PLK1: variants seen among roughly 807,000 people sequenced by gnomAD.
PLK1 encodes the protein polo like kinase 1.
In PLK1, 6 loss-of-function variants were observed where a neutral mutation model predicts 56.7. The observed-to-expected ratio is 0.11, with a 90% CI of 0.06 to 0.21. PLK1 has a LOEUF of 0.21. Ranked by LOEUF, PLK1 falls within the 10% of genes least tolerant of loss-of-function variation. The pLI, the probability that PLK1 is intolerant of heterozygous loss-of-function variation, is 1.00. For synonymous variants in PLK1, 298 were observed against 325.0 expected (o/e 0.92, Z 0.89); for missense variants, 546 against 814.4 (o/e 0.67, Z 4.01).
intron 7 of PLK1, 50 bp downstream of exon 7, chr16:23,688,795 T>C: frequency 7.8e-7 from 1 of 1,277,874 alleles, no homozygotes; most frequent in Non-Finnish European, 1.1e-6. Flanking sequence ...CCAGGTGACC[T>C]TTTCAGTTGT....
chr16:23,688,582 C>G (rs2141000856), intron 6 of PLK1, 86 bp from the exon 7 acceptor site: 1 of 1,105,674 alleles, frequency 9.0e-7, no homozygotes, highest in East Asian at 2.3e-5. Flanking sequence ...GCAGGCTTCC[C>G]TGTTCCCTGG....
At chr16:23,686,469 G>A (rs972216304) in intron 5 of PLK1, among the ~76,000 whole-genome samples, 7 of 151,640 alleles carry the variant, frequency 4.6e-5, no homozygotes, top group East Asian at 3.9e-4. Flanking sequence ...TTTTGTTACC[G>A]GTGTTTTAAA....
rs1309116201 is a variant in PLK1 at position 23,689,566 on chromosome 16, C to T, written c.1498C>T (p.Arg500Cys). The T allele has an allele frequency of 3.1e-6, 5 of 1,613,706 alleles. No individual in the cohort carries two copies. Among genetic ancestry groups the T allele is most frequent in the South Asian group, 1.1e-5 (1 of 91,082 alleles). Residue 500 changes from arginine (R) to cysteine (C), a missense_variant, in exon 9 of 10, where the codon CGC (arginine) becomes TGC (cysteine). This residue lies in a region of PLK1 where 113 missense variants were observed against 202.0 expected (regional missense o/e 0.56). Transcript: ENST00000300093. The surrounding 1 kb of genome is among the most constrained non-coding windows in gnomAD (Gnocchi z 4.8). ...LLKAGANITPREGDELARLPY... is the reference protein window; with the variant it reads ...LLKAGANITPCEGDELARLPY... Reference sequence around the variant, plus strand: ...GAAGGCAGGTGCCAACATCACGCCGCGCGAAGGTGATGAGCTCGCCCGGCT... The same window carrying T: ...GAAGGCAGGTGCCAACATCACGCCGTGCGAAGGTGATGAGCTCGCCCGGCT...
At chr16:23,683,098 C>T (rs1408407186) in intron 4 of PLK1, among the ~76,000 whole-genome samples, 1 of 143,796 alleles carries the variant, frequency 7.0e-6, no homozygotes, top group African/African-American at 2.6e-5. Flanking sequence ...TCATGGCATT[C>T]TCCCGCCTCA....
At position 23,690,187 on chromosome 16, in the gene PLK1, T is replaced by C; in HGVS notation, c.*124T>C. On this transcript the variant is annotated 3_prime_UTR_variant, in exon 10 of 10. Transcript: ENST00000300093. ...CCCAGCCCCGGTGGCTGGGCAGAGCTGCATCATCCTTGCAGGTGGGGGTTG... is the reference window on the plus strand; with the variant it reads ...CCCAGCCCCGGTGGCTGGGCAGAGCCGCATCATCCTTGCAGGTGGGGGTTG... 2.7e-6 allele frequency: 2 copies of C among 737,698 alleles called. No homozygotes were observed. Among genetic ancestry groups the C allele is most frequent in the East Asian group, 2.5e-5 (1 of 40,024 alleles). The allele number at this position is 737,698 out of a possible 1,614,324, so 45.7% of individuals were successfully genotyped here.
At chr16:23,685,771 CAAA>C (rs1211424959) in intron 5 of PLK1, among the ~76,000 whole-genome samples, 1 of 151,866 alleles carries the variant, frequency 6.6e-6, no homozygotes, top group African/African-American at 2.4e-5. Flanking sequence ...AGGCTTATCT[CAAA>C]CTCCTGCCCT....
chr16:23,679,411 A>T, intron 1 of PLK1, 71 bp downstream of exon 1: 1 of 1,428,386 alleles, frequency 7.0e-7, no homozygotes, highest in Non-Finnish European at 9.6e-7. Flanking sequence ...GAGCTGCTGG[A>T]AAGAGTACCC....
chr16:23,686,323 A>G (rs1369979199), intron 5 of PLK1, among the ~76,000 whole-genome samples: 2 of 152,100 alleles, frequency 1.3e-5, no homozygotes, highest in Non-Finnish European at 2.9e-5. Context: ...TTTTTTATAT[A>G]GCATTTTAAA....
intron 2 of PLK1, 113 bp downstream of exon 2, chr16:23,680,365 G>T: frequency 1.3e-6 from 1 of 789,448 alleles, no homozygotes; most frequent in Non-Finnish European, 2.0e-6. Flanking sequence ...GCCTACAGAT[G>T]CATTATTTTT....
chr16:23,679,097 G>A lies in PLK1; in HGVS notation c.165G>A (p.Arg55=). ...CACGCAGCCGGCGGCGCTATGTGCG[G>A]GGCCGCTTTTTGGGCAAGGGCGGCT... is the stretch of plus-strand genomic sequence containing the variant. ...VDPRSRRRYV[R]GRFLGKGGFA... Residue 55 remains arginine, a synonymous_variant, in exon 1 of 10, where the codon CGG becomes CGA. Transcript: ENST00000300093. 7 of 1,610,018 alleles carry A rather than the reference G, an allele frequency of 4.3e-6. No homozygotes were observed. The highest frequency in any genetic ancestry group is 5.1e-6 in the Non-Finnish European group (6 of 1,176,936).
chr16:23,680,212 G>A lies in PLK1; in HGVS notation c.537G>A (p.Leu179=), dbSNP rs1959309605. Residue 179 remains leucine, a synonymous_variant, in exon 2 of 10, where the codon CTG becomes CTA. Coordinates refer to ENST00000300093, the MANE Select transcript of PLK1 (RefSeq NM_005030.6). ...GAGTTATTCATCGAGACCTCAAGCT[G>A]GGCAACCTTTTCCTGAATGAAGATC... is the stretch of plus-strand genomic sequence containing the variant. The part of the protein sequence containing the change: ...RNRVIHRDLK[L]GNLFLNEDLE... 1 of 1,614,070 alleles carries A rather than the reference G, an allele frequency of 6.2e-7. No individual in the cohort carries two copies. The highest frequency in any genetic ancestry group is 8.5e-7 in the Non-Finnish European group (1 of 1,179,972).
At chr16:23,681,542 A>G (rs779087888) in intron 3 of PLK1, among the ~76,000 whole-genome samples, 2 of 152,202 alleles carry the variant, frequency 1.3e-5, no homozygotes, top group Non-Finnish European at 2.9e-5. Context: ...GTCTGGATTA[A>G]GACCATCAGC....
Position 23,678,903 on chromosome 16 carries a change from G to T in PLK1, c.-30G>T. The T allele has an allele frequency of 6.8e-7, 1 of 1,469,470 alleles. No homozygotes were observed. Among genetic ancestry groups the T allele is most frequent in the South Asian group, 1.4e-5 (1 of 74,042 alleles). The allele number at this position is 1,469,470 out of a possible 1,614,324, so 91.0% of individuals were successfully genotyped here. On this transcript the variant is annotated 5_prime_UTR_variant, in exon 1 of 10. Transcript: ENST00000300093. ...CGGAGCGGTGCGGAGGCTCTGCTCGGATCGAGGTCTGCAGCGCAGCTTCGG... is the reference window on the plus strand; with the variant it reads ...CGGAGCGGTGCGGAGGCTCTGCTCGTATCGAGGTCTGCAGCGCAGCTTCGG...
At chr16:23,687,928 G>A (rs1597136758) in intron 6 of PLK1, 1 of 197,982 alleles carries the variant, frequency 5.1e-6, no homozygotes, top group Non-Finnish European at 1.0e-5. Context: ...CAGCCTCAGG[G>A]CTTTCTCCCT....
At chr16:23,680,325 G>A in intron 2 of PLK1, 73 bp downstream of exon 2, 1 of 1,321,398 alleles carries the variant, frequency 7.6e-7, no homozygotes, top group Non-Finnish European at 1.1e-6. Context: ...CTGGGAGAAA[G>A]GAAGGAGACA....
In PLK1 at chr16:23,683,014, G is replaced by A. The variant is rs1333859177; in HGVS notation, c.817-856G>A. 5.5e-5 allele frequency among the ~76,000 whole-genome samples: 6 copies of A among 109,168 alleles called. No homozygotes were observed. In the Admixed American group the frequency reaches 5.7e-4, roughly 10 times the overall value. The allele number at this position is 109,168 out of a possible 152,430, so 71.6% of individuals were successfully genotyped here. ...TTTTTTTTTTTTTTTTTTTTGAGAT[G>A]GAGTCTCGCTCTGTCGCCCAGGCTG... On this transcript the variant is annotated intron_variant, in intron 4 of 9. Transcript: ENST00000300093.
At chr16:23,688,436 C>A (rs993605006) in intron 6 of PLK1, among the ~76,000 whole-genome samples, 1 of 152,210 alleles carries the variant, frequency 6.6e-6, no homozygotes, top group African/African-American at 2.4e-5. Flanking sequence ...GTGAGTGGAA[C>A]TTGGTGCGCT....
In PLK1 at chr16:23,689,674, C is replaced by A; in HGVS notation, c.1606C>A (p.Gln536Lys). The A allele has an allele frequency of 6.3e-7, 1 of 1,598,834 alleles. No homozygotes were observed. Among genetic ancestry groups the A allele is most frequent in the Non-Finnish European group, 8.5e-7 (1 of 1,171,958 alleles). Reference protein sequence around the residue: ...SNGSVQINFFQDHTKLILCPL... With the variant: ...SNGSVQINFFKDHTKLILCPL... ...CGGCAGCGTGCAGATCAACTTCTTC[C>A]AGGTGAGCTGGAGGTCACCAGGCGC... Residue 536 changes from glutamine (Q) to lysine (K), a missense_variant and splice_region_variant, in exon 9 of 10, where the codon CAG becomes AAG. Transcript: ENST00000300093. This position sits in a 1 kb window ranked among gnomAD's most constrained non-coding sequence, Gnocchi z 4.8.
intron 6 of PLK1, among the ~76,000 whole-genome samples, chr16:23,688,399 C>G (rs1959463579): frequency 6.6e-6 from 1 of 152,220 alleles, no homozygotes; most frequent in Admixed American, 6.5e-5. Context: ...GGTAGGCCTT[C>G]AGTAAATGGG....
Sources: allele counts gnomAD v4.1 joint callset (sites outside exome capture counted in the v4.1 genomes callset), GRCh38; gene constraint gnomAD v4.1.1; regional missense constraint gnomAD v4.1.1; non-coding constraint Gnocchi (gnomAD v3.1); transcripts MANE v1.5; gene names NCBI Gene and HGNC (gene_info 2026-07-23, HGNC 2026-07-21).